FOXN2: variants seen among roughly 807,000 people sequenced by gnomAD.
The protein encoded by FOXN2 is forkhead box N2.
In FOXN2, 19 loss-of-function variants were observed where a neutral mutation model predicts 41.2. The observed-to-expected ratio is 0.46, with a 90% confidence interval of 0.32 to 0.68. The LOEUF (loss-of-function observed/expected upper bound fraction) is 0.68, where lower values mean the gene tolerates loss of function less well. Ranked by LOEUF, FOXN2 falls within the 30% of genes least tolerant of loss-of-function variation. The pLI is 0.03. For synonymous variants in FOXN2, 195 were observed against 176.8 expected, an observed-to-expected ratio of 1.10 and a Z score of -0.82; for missense variants, 587 against 509.4, an observed-to-expected ratio of 1.15 and a Z score of -1.47.
intron 3 of FOXN2, among the ~76,000 whole-genome samples, chr2:48,357,115 T>C (rs190417345): frequency 2.6e-5 from 4 of 152,194 alleles, no homozygotes; most frequent in African/African-American, 9.7e-5. Flanking sequence ...CTCTTGTTCA[T>C]GATAGTTCAT....
chr2:48,362,507 T>TGCA, intron 4 of FOXN2, 136 bp from the exon 5 acceptor site: 1 of 686,982 alleles, frequency 1.5e-6, no homozygotes, highest in Admixed American at 2.4e-5. Context: ...AAGTCAAGGC[T>TGCA]GCAGTAGGCT....
intron 1 of FOXN2, among the ~76,000 whole-genome samples, chr2:48,319,972 G>C (rs1034799096): frequency 6.6e-6 from 1 of 151,598 alleles, no homozygotes; most frequent in African/African-American, 2.4e-5. Context: ...GGTTAGTGTG[G>C]TTATTCTGGG....
chr2:48,327,566 C>T (rs1186006924), intron 1 of FOXN2, among the ~76,000 whole-genome samples: 1 of 152,116 alleles, frequency 6.6e-6, no homozygotes, highest in East Asian at 1.9e-4. Flanking sequence ...CTGCCTCAGC[C>T]TCCCAAGTAG....
intron 4 of FOXN2, 104 bp downstream of exon 4, chr2:48,359,251 A>G: frequency 1.3e-6 from 1 of 789,262 alleles, no homozygotes; most frequent in Non-Finnish European, 2.0e-6. Flanking sequence ...TTTATTGTAT[A>G]AAGAAGTATT....
chr2:48,373,505 T>C, intron 6 of FOXN2, 145 bp downstream of exon 6: 1 of 526,922 alleles, frequency 1.9e-6, no homozygotes, highest in Non-Finnish European at 3.3e-6. Flanking sequence ...TGTTTTATTA[T>C]ACTTTCATTA....
chr2:48,324,422 G>C (rs1034838362), intron 1 of FOXN2, among the ~76,000 whole-genome samples: 4 of 152,108 alleles, frequency 2.6e-5, no homozygotes, highest in African/African-American at 9.7e-5. Flanking sequence ...TCGAACTCCT[G>C]ACCTCAAGTG....
At chr2:48,373,487 T>C (rs1052430917) in intron 6 of FOXN2, 127 bp downstream of exon 6, 5 of 576,824 alleles carry the variant, frequency 8.7e-6, no homozygotes, top group African/African-American at 2.0e-5. Flanking sequence ...TCTGAGTAAC[T>C]CAGTTTCTGT....
intron 1 of FOXN2, among the ~76,000 whole-genome samples, chr2:48,317,726 G>A (rs1305745562): frequency 1.4e-5 from 2 of 140,258 alleles, no homozygotes; most frequent in East Asian, 4.7e-4. Context: ...TCCTGTCTCA[G>A]CCTCTGGAGT....
intron 3 of FOXN2, among the ~76,000 whole-genome samples, chr2:48,353,838 CCT>C (rs927863191): frequency 4.0e-5 from 6 of 151,436 alleles, no homozygotes; most frequent in African/African-American, 1.2e-4. Flanking sequence ...GTATTGTTAT[CCT>C]CTGTCTTTTT....
rs1443276476 is a variant in FOXN2, at chr2:48,375,986, A to C, written c.*543A>C. 1.3e-5 allele frequency: 2 copies of C among 152,530 alleles called. No individual in the cohort carries two copies. Among genetic ancestry groups the C allele is most frequent in the Non-Finnish European group, 2.9e-5 (2 of 68,314 alleles). The allele number at this position is 152,530 out of a possible 1,614,324, so 9.4% of individuals were successfully genotyped here. On this transcript the variant is annotated 3_prime_UTR_variant, in exon 7 of 7. Coordinates refer to ENST00000340553, the MANE Select transcript of FOXN2 (RefSeq NM_002158.4). The stretch of plus-strand genomic sequence containing the variant: ...GAGCAAAGACAAACATAAATTGAAA[A>C]ACATCCTGATGTTTAGAAAGTTTCT...
At chr2:48,343,402 T>C (rs979559693) in intron 2 of FOXN2, among the ~76,000 whole-genome samples, 1 of 152,216 alleles carries the variant, frequency 6.6e-6, no homozygotes. Context: ...GAAATAATTA[T>C]GATTTGAGTG....
chr2:48,336,463 A>ATATT (rs555568460), intron 2 of FOXN2, among the ~76,000 whole-genome samples: 2 of 151,218 alleles, frequency 1.3e-5, no homozygotes. Flanking sequence ...GTGTGTATAT[A>ATATT]TATTTATTTA....
At chr2:48,368,824 G>T (rs1672700781) in intron 5 of FOXN2, among the ~76,000 whole-genome samples, 1 of 152,140 alleles carries the variant, frequency 6.6e-6, no homozygotes. Context: ...TGATAATCAG[G>T]TGTTCTCTAT....
At chr2:48,316,668 C>T (rs755794461) in intron 1 of FOXN2, among the ~76,000 whole-genome samples, 1 of 151,936 alleles carries the variant, frequency 6.6e-6, no homozygotes, top group African/African-American at 2.4e-5. Context: ...AGTAGAAGGT[C>T]AAAGAGTTGA....
Position 48,359,083 on chromosome 2 carries a change from G to A in FOXN2, c.574G>A (p.Glu192Lys). The A allele has an allele frequency of 6.2e-7, 1 of 1,613,550 alleles. No homozygotes were observed. Among genetic ancestry groups the A allele is most frequent in the Non-Finnish European group, 8.5e-7 (1 of 1,179,748 alleles). Reference protein sequence around the residue: ...GKGSLWCVDPEYKPNLIQALK... With the variant: ...GKGSLWCVDPKYKPNLIQALK... ...AGGTTCCTTATGGTGTGTTGATCCGGAATATAAACCCAATCTTATCCAGGC... is the reference window on the plus strand; with the variant it reads ...AGGTTCCTTATGGTGTGTTGATCCGAAATATAAACCCAATCTTATCCAGGC... The change falls in exon 4 of 7, where the codon GAA (glutamate) becomes AAA (lysine). Residue 192 changes from glutamate (E) to lysine (K), a missense_variant. By Grantham distance (56) the Glu-to-Lys change is moderately conservative. Coordinates refer to ENST00000340553, the MANE Select transcript of FOXN2 (RefSeq NM_002158.4).
At chr2:48,374,632 C>T (rs556906631) in intron 6 of FOXN2, among the ~76,000 whole-genome samples, 2 of 152,206 alleles carry the variant, frequency 1.3e-5, no homozygotes, top group Non-Finnish European at 2.9e-5. Flanking sequence ...AATATTAACA[C>T]GGAAGTGATT....
Position 48,338,550 on chromosome 2 carries a change from C to T in FOXN2, c.-14-7651C>T, listed in dbSNP as rs560605437. On this transcript the variant is annotated intron_variant, in intron 2 of 6. Coordinates refer to ENST00000340553, the MANE Select transcript of FOXN2 (RefSeq NM_002158.4). ...CCCAGCAGCCGGGACCACAGCCGCT[C>T]GCCACCAGGCCCAGCTAATTTTCTG... 6.6e-5 allele frequency among the ~76,000 whole-genome samples: 10 copies of T among 152,152 alleles called. No homozygotes were observed. In the South Asian group the frequency reaches 1.0e-3, roughly 16 times the overall value.
At chr2:48,356,492 A>G (rs1572753966) in intron 3 of FOXN2, among the ~76,000 whole-genome samples, 1 of 152,324 alleles carries the variant, frequency 6.6e-6, no homozygotes, top group East Asian at 1.9e-4. Flanking sequence ...AAATTTTTAT[A>G]AAGCCCATCT....
At chr2:48,356,355 C>T (rs937246332) in intron 3 of FOXN2, among the ~76,000 whole-genome samples, 4 of 151,544 alleles carry the variant, frequency 2.6e-5, no homozygotes, top group African/African-American at 9.7e-5. Flanking sequence ...GCAAGGGAAT[C>T]GTCCGAACCT....
Sources: allele counts gnomAD v4.1 joint callset (sites outside exome capture counted in the v4.1 genomes callset), GRCh38; gene constraint gnomAD v4.1.1; transcripts MANE v1.5; gene names NCBI Gene and HGNC (gene_info 2026-07-23, HGNC 2026-07-21).